PREX1: variants seen among roughly 807,000 people sequenced by gnomAD.
PREX1 encodes the protein phosphatidylinositol-3,4,5-trisphosphate dependent Rac exchange factor 1, also known as phosphatidylinositol 3,4,5-trisphosphate-dependent Rac exchanger 1 protein.
In PREX1, 41 loss-of-function variants were observed where a neutral mutation model predicts 198.3. That is an observed-to-expected ratio of 0.21 (90% confidence interval 0.16 to 0.27). PREX1 has a LOEUF of 0.27. Ranked by LOEUF, PREX1 falls within the 10% of genes least tolerant of loss-of-function variation. The pLI, the probability that PREX1 is intolerant of heterozygous loss-of-function variation, is 1.00. For synonymous variants in PREX1, 843 were observed against 887.2 expected (o/e 0.95, Z 0.89); for missense variants, 1,620 against 2,200.7 (o/e 0.74, Z 5.28).
rs1168818218 is a variant in PREX1, at chr20:48,627,979, G to A, written c.4767-16C>T. On this transcript the variant is annotated splice_polypyrimidine_tract_variant and intron_variant, in intron 37 of 39. Transcript: ENST00000371941. ...CAGGGTGCTCCTGCAGCAGGGGAGG[G>A]AGGACAGCGGGTTGGCGGTGGGGGG... 7 of 1,578,476 alleles carry A rather than the reference G, an allele frequency of 4.4e-6. 1 individual carries two copies. In the African/African-American group the frequency reaches 5.4e-5, roughly 12 times the overall value.
intron 13 of PREX1, among the ~76,000 whole-genome samples, chr20:48,677,832 AG>A (rs1403711826): frequency 1.3e-5 from 2 of 151,684 alleles, no homozygotes; most frequent in Non-Finnish European, 2.9e-5. Flanking sequence ...CTAACAATAT[AG>A]AAATTACCCA....
Position 48,636,539 on chromosome 20 carries a change from C to G in PREX1, c.4091G>C (p.Ser1364Thr). 1 of 1,611,550 alleles carries G rather than the reference C, an allele frequency of 6.2e-7. No individual in the cohort carries two copies. The highest frequency in any genetic ancestry group is 8.5e-7 in the Non-Finnish European group (1 of 1,179,618). Reference protein sequence around the residue: ...GEYEESSRDASRKWLEQVAAT... With the variant: ...GEYEESSRDATRKWLEQVAAT... ...CGCCACCTGCTCCAGCCACTTGCGG[C>G]TGGCGTCGCGGCTGCTCTCCTCGTA... Residue 1364 changes from serine (S) to threonine (T), a missense_variant, in exon 32 of 40, where the codon AGC (serine) becomes ACC (threonine). Ser to Thr is a moderately conservative substitution (Grantham distance 58). Transcript: ENST00000371941.
intron 14 of PREX1, among the ~76,000 whole-genome samples, chr20:48,667,737 C>T (rs1343184387): frequency 6.6e-6 from 1 of 152,220 alleles, no homozygotes; most frequent in Non-Finnish European, 1.5e-5. Context: ...AGGCACGGCC[C>T]GTGTGCTGGA....
rs2089495892 is a variant in PREX1 at position 48,651,407 on chromosome 20, G to A, written c.2644C>T (p.Leu882Phe). 1 of 1,606,032 alleles carries A rather than the reference G, an allele frequency of 6.2e-7. No individual in the cohort carries two copies. Among genetic ancestry groups the A allele is most frequent in the Non-Finnish European group, 8.5e-7 (1 of 1,174,662 alleles). ...KIVEPRGCFG[L>F]TAKILEAFAA... ...GTGCCCAAGGAGACCTTGGCGGTGA[G>A]GCCGAAGCAGCCGCGGGGCTCCACG... The change falls in exon 22 of 40, where the codon CTC becomes TTC. Residue 882 changes from leucine (L) to phenylalanine (F), a missense_variant. Around this residue, in one of 7 missense-constraint regions of PREX1, gnomAD observed 514 missense variants for 611.6 expected, o/e 0.84. Transcript: ENST00000371941.
chr20:48,629,768 G>T, intron 36 of PREX1, 147 bp from the exon 37 acceptor site: 1 of 844,494 alleles, frequency 1.2e-6, no homozygotes, highest in Non-Finnish European at 1.8e-6. Flanking sequence ...GGATAACAAT[G>T]CAATTCAATC....
chr20:48,869,281 T>C, the PREX1 span, among the ~76,000 whole-genome samples: 1 of 140,546 alleles, frequency 7.1e-6, no homozygotes, highest in South Asian at 2.3e-4. Context: ...AGTGTTTTTT[T>C]GTTTTGTTTT....
At chr20:48,713,857 T>TAAAAAAAAAAAA (rs71337452) in intron 5 of PREX1, among the ~76,000 whole-genome samples, 27 of 81,606 alleles carry the variant, frequency 3.3e-4, no homozygotes, top group Non-Finnish European at 5.2e-4. Context: ...CCCAGAACTA[T>TAAAAAAAAAAAA]AAAAAAAAAA....
intron 19 of PREX1, among the ~76,000 whole-genome samples, chr20:48,654,194 C>T (rs557768891): frequency 5.9e-5 from 9 of 152,222 alleles, no homozygotes; most frequent in Non-Finnish European, 1.2e-4. Flanking sequence ...GAAATGGGAA[C>T]GCTCATAATC....
chr20:48,676,800 T>A (rs553700442), intron 13 of PREX1, among the ~76,000 whole-genome samples: 80 of 152,356 alleles, frequency 5.3e-4, no homozygotes, highest in Admixed American at 1.2e-3. Context: ...CCTTTCCTTT[T>A]TCCTTTTTGT....
rs571264635 is a variant in PREX1 at position 48,630,527 on chromosome 20, G to A, written c.4593+201C>T. Among the ~76,000 whole-genome samples, 24 of 152,318 alleles carry A rather than the reference G, an allele frequency of 1.6e-4. No homozygotes were observed. The South Asian group carries it at 4.6e-3, about 29-fold the overall frequency. The stretch of plus-strand genomic sequence containing the variant: ...GTGGCAGAGATGGGCGGCTGCCAGC[G>A]AAAATAAATCATCCCAGGAAGTTGG... On this transcript the variant is annotated intron_variant, in intron 36 of 39. Coordinates refer to ENST00000371941, the MANE Select transcript of PREX1 (RefSeq NM_020820.4).
At chr20:48,866,648 C>T in the PREX1 span, among the ~76,000 whole-genome samples, 1 of 152,164 alleles carries the variant, frequency 6.6e-6, no homozygotes, top group African/African-American at 2.4e-5. Flanking sequence ...ACTGCTTGGC[C>T]AGGCACAGTG....
At chr20:48,638,939 T>C (rs1313473600) in intron 30 of PREX1, among the ~76,000 whole-genome samples, 1 of 152,152 alleles carries the variant, frequency 6.6e-6, no homozygotes, top group African/African-American at 2.4e-5. Context: ...GGTTACACTT[T>C]TGGAGAACAG....
intron 1 of PREX1, among the ~76,000 whole-genome samples, chr20:48,799,575 CCA>C (rs2090377194): frequency 6.6e-6 from 1 of 152,204 alleles, no homozygotes; most frequent in Non-Finnish European, 1.5e-5. Flanking sequence ...CTCTGGGGCC[CCA>C]GTCTTATCCT....
At chr20:48,884,137 TAAAAA>T in the PREX1 span, among the ~76,000 whole-genome samples, 3 of 118,932 alleles carry the variant, frequency 2.5e-5, no homozygotes, top group African/African-American at 9.8e-5. Flanking sequence ...AAACTCCGTC[TAAAAA>T]AAAAAAAAAA....
At chr20:48,752,263 C>A (rs1310927743) in intron 1 of PREX1, among the ~76,000 whole-genome samples, 3 of 152,218 alleles carry the variant, frequency 2.0e-5, no homozygotes, top group African/African-American at 7.2e-5. Flanking sequence ...CATGCCTCTG[C>A]CCACTTACCA....
At chr20:48,716,550 C>A (rs1170912094) in intron 5 of PREX1, among the ~76,000 whole-genome samples, 1 of 152,190 alleles carries the variant, frequency 6.6e-6, no homozygotes, top group Non-Finnish European at 1.5e-5. Flanking sequence ...GGGGGAAGAA[C>A]AAAGGGCTCA....
At chr20:48,755,810 C>T (rs1404349904) in intron 1 of PREX1, among the ~76,000 whole-genome samples, 1 of 152,228 alleles carries the variant, frequency 6.6e-6, no homozygotes, top group East Asian at 1.9e-4. Flanking sequence ...GAGGGGCATT[C>T]TAAAGAATTT....
chr20:48,696,088 A>G (rs1437104858), intron 7 of PREX1, among the ~76,000 whole-genome samples: 1 of 152,242 alleles, frequency 6.6e-6, no homozygotes, highest in Non-Finnish European at 1.5e-5. Flanking sequence ...GTATTTTTTA[A>G]TGAAATTCTT....
chr20:48,650,058 C>T lies in PREX1; in HGVS notation c.2966G>A (p.Gly989Asp). 1 of 1,614,194 alleles carries T rather than the reference C, an allele frequency of 6.2e-7. No homozygotes were observed. Among genetic ancestry groups the T allele is most frequent in the South Asian group, 1.1e-5 (1 of 91,078 alleles). The change falls in exon 24 of 40, where the codon GGC becomes GAC. Residue 989 changes from glycine to aspartate, a missense_variant. By Grantham distance (94) the Gly-to-Asp change is moderately conservative (BLOSUM62 -1). Transcript: ENST00000371941. The stretch of plus-strand genomic sequence containing the variant: ...TCCAAAGCGGATGCTGAAGGACCTG[C>T]CCACTGAGGGGGTGGTCTTGGGGTA... Reference protein sequence around the residue: ...VSYPKTTPSVGRSFSIRFGRK... With the variant: ...VSYPKTTPSVDRSFSIRFGRK...
Sources: gnomAD v4.1 joint callset for allele counts (sites outside exome capture counted in the v4.1 genomes callset) on GRCh38, gnomAD v4.1.1 for gene constraint, gnomAD v4.1.1 regional missense constraint, MANE v1.5 for transcripts, NCBI Gene and HGNC (gene_info 2026-07-23, HGNC 2026-07-21) for gene names.